The following MAP3K7 variants were observed in gnomAD, a reference collection of about 807,000 sequenced individuals.
The protein encoded by MAP3K7 is TGF-beta activated kinase 1.
A neutral mutation model predicts 84.8 loss-of-function variants in MAP3K7; 21 were observed. The ratio of observed to expected loss-of-function variants is 0.25; its 90% confidence interval spans 0.18 to 0.36. MAP3K7 has a LOEUF of 0.36. Among genes scored for constraint, MAP3K7 ranks in the 10% least tolerant of loss-of-function variants. The probability of loss-of-function intolerance (pLI) is 1.00; values close to 1 mark genes in which losing one functional copy is unlikely to be tolerated. For missense variants in MAP3K7, 503 were observed against 747.7 expected, an observed-to-expected ratio of 0.67 and a Z score of 3.82; for synonymous variants, 241 against 247.7, an observed-to-expected ratio of 0.97 and a Z score of 0.25.
At chr6:90,575,157 A>G (rs762826378) in intron 1 of MAP3K7, among the ~76,000 whole-genome samples, 1 of 152,252 alleles carries the variant, frequency 6.6e-6, no homozygotes, top group Non-Finnish European at 1.5e-5. Context: ...GCATAAAGGT[A>G]GATACACTGG....
Position 90,586,906 on chromosome 6 carries a change from G to T in MAP3K7, c.-23C>A, listed in dbSNP as rs373082698. On this transcript the variant is annotated 5_prime_UTR_variant, in exon 1 of 17. Coordinates refer to ENST00000369329, the MANE Select transcript of MAP3K7 (RefSeq NM_145331.3). Reference sequence around the variant, plus strand: ...CATGATCCCTCGCGGCGCCCGGTGGGGCCGGGAACGGTGCCACCCGGACAA... The same window carrying T: ...CATGATCCCTCGCGGCGCCCGGTGGTGCCGGGAACGGTGCCACCCGGACAA... 9.4e-6 allele frequency: 15 copies of T among 1,596,458 alleles called. No homozygotes were observed. In the African/African-American group the frequency reaches 1.6e-4, roughly 17 times the overall value.
At chr6:90,580,825 G>C (rs1232155070) in intron 1 of MAP3K7, among the ~76,000 whole-genome samples, 1 of 152,118 alleles carries the variant, frequency 6.6e-6, no homozygotes, top group Non-Finnish European at 1.5e-5. Context: ...TTAAAAGGGA[G>C]GTCAATTTGG....
Position 90,519,339 on chromosome 6 carries a change from TTTA to T in MAP3K7, c.1463-23_1463-21del. Reference sequence around the variant, plus strand: ...TGGTATCTGGAATTCAAGCATGTATTTTATTGATTTTCTGTCACAAATAATTAT... The same window carrying T: ...TGGTATCTGGAATTCAAGCATGTATTTTGATTTTCTGTCACAAATAATTAT... On this transcript the variant is annotated intron_variant, in intron 14 of 16. Transcript: ENST00000369329. The T allele has an allele frequency of 6.6e-7, 1 of 1,507,946 alleles. No individual in the cohort carries two copies. Among genetic ancestry groups the T allele is most frequent in the Non-Finnish European group, 9.0e-7 (1 of 1,109,918 alleles). The allele number at this position is 1,507,946 out of a possible 1,614,324, so 93.4% of individuals were successfully genotyped here.
At chr6:90,555,287 G>A (rs1747409887) in intron 6 of MAP3K7, among the ~76,000 whole-genome samples, 1 of 149,702 alleles carries the variant, frequency 6.7e-6, no homozygotes, top group South Asian at 2.1e-4. Context: ...ATGGAGTCTT[G>A]CTCTGTCACC....
At chr6:90,554,516 G>A (rs1256870999) in intron 6 of MAP3K7, among the ~76,000 whole-genome samples, 1 of 152,102 alleles carries the variant, frequency 6.6e-6, no homozygotes, top group Non-Finnish European at 1.5e-5. Context: ...AATTATTATA[G>A]CTATAGCTTT....
chr6:90,567,922 A>T (rs1582227791), intron 3 of MAP3K7, among the ~76,000 whole-genome samples: 1 of 152,342 alleles, frequency 6.6e-6, no homozygotes, highest in East Asian at 1.9e-4. Context: ...AGGGACATGG[A>T]TGAAGCTGGA....
intron 13 of MAP3K7, among the ~76,000 whole-genome samples, chr6:90,525,727 C>T (rs1383314443): frequency 1.3e-5 from 2 of 150,828 alleles, no homozygotes; most frequent in African/African-American, 2.4e-5. Flanking sequence ...ACAACTATGC[C>T]CAGTTAATTT....
intron 11 of MAP3K7, among the ~76,000 whole-genome samples, chr6:90,546,270 C>A (rs1253452846): frequency 2.0e-5 from 3 of 151,670 alleles, no homozygotes; most frequent in African/African-American, 4.9e-5. Flanking sequence ...GCTCCACACA[C>A]AATGAGAATA....
At chr6:90,543,511 C>T (rs1775915120) in intron 12 of MAP3K7, among the ~76,000 whole-genome samples, 1 of 151,930 alleles carries the variant, frequency 6.6e-6, no homozygotes, top group Non-Finnish European at 1.5e-5. Context: ...CTGATACAAT[C>T]AATAATAAGC....
chr6:90,550,523 T>C lies in MAP3K7; in HGVS notation c.894A>G (p.Leu298=), dbSNP rs1406697794. 6.2e-7 allele frequency: 1 copy of C among 1,611,008 alleles called. No homozygotes were observed. Among genetic ancestry groups the C allele is most frequent in the Admixed American group, 1.7e-5 (1 of 59,880 alleles). The change falls in exon 9 of 17, where the codon TTA becomes TTG. Residue 298 remains leucine (L), a synonymous_variant. Coordinates refer to ENST00000369329, the MANE Select transcript of MAP3K7 (RefSeq NM_145331.3). ...MRYFPGADEP[L]QYPCQYSDEG... ...CATCTGAATACTGACAAGGATACTG[T>C]AATGGCTCATCTGCTCCTGGAAAGT... is the stretch of plus-strand genomic sequence containing the variant.
At chr6:90,556,687 A>ATGTT in intron 5 of MAP3K7, 63 bp from the exon 6 acceptor site, 1 of 1,493,060 alleles carries the variant, frequency 6.7e-7, no homozygotes, top group Non-Finnish European at 9.0e-7. Context: ...CTACAATAAA[A>ATGTT]GAAGAGACAT....
At chr6:90,544,957 A>G (rs755187488) in intron 11 of MAP3K7, among the ~76,000 whole-genome samples, 1 of 152,054 alleles carries the variant, frequency 6.6e-6, no homozygotes, top group Non-Finnish European at 1.5e-5. Context: ...GAAATCACTG[A>G]TCTGTGATGG....
chr6:90,534,264 T>G (rs1775595583), intron 13 of MAP3K7, among the ~76,000 whole-genome samples: 1 of 152,202 alleles, frequency 6.6e-6, no homozygotes, highest in Non-Finnish European at 1.5e-5. Flanking sequence ...AATATCATCT[T>G]TGTGAGTAAT....
chr6:90,546,715 C>A (rs1295972204), intron 11 of MAP3K7, among the ~76,000 whole-genome samples: 2 of 151,992 alleles, frequency 1.3e-5, no homozygotes, highest in African/African-American at 4.8e-5. Context: ...TAAATGCTAG[C>A]TTTTTCAAGA....
intron 6 of MAP3K7, among the ~76,000 whole-genome samples, chr6:90,555,210 G>A: frequency 6.6e-6 from 1 of 152,006 alleles, no homozygotes; most frequent in East Asian, 1.9e-4. Flanking sequence ...ATATAAGCTT[G>A]ACATTTATTT....
intron 14 of MAP3K7, among the ~76,000 whole-genome samples, chr6:90,521,181 A>G (rs1472668806): frequency 6.6e-6 from 1 of 151,982 alleles, no homozygotes; most frequent in African/African-American, 2.4e-5. Context: ...CTTTACACTA[A>G]ATTGATATTG....
intron 12 of MAP3K7, chr6:90,542,418 G>C: frequency 3.1e-6 from 3 of 983,194 alleles, no homozygotes; most frequent in Non-Finnish European, 3.6e-6. Flanking sequence ...ATTTTCATAT[G>C]AATAGCACTG....
intron 1 of MAP3K7, among the ~76,000 whole-genome samples, chr6:90,573,264 G>A (rs1168501488): frequency 6.6e-6 from 1 of 152,182 alleles, no homozygotes; most frequent in East Asian, 1.9e-4. Flanking sequence ...GGAAGTAGAA[G>A]TTAGTATCTT....
In MAP3K7 at chr6:90,586,821, G is replaced by C. The variant is rs1484691875; in HGVS notation, c.63C>G (p.Ala21=). ...CTTCAAAGTTGAGGACCTGGGAAGGGGCTTCGATCATCTCACCGGCCGAAG... is the reference window on the plus strand; with the variant it reads ...CTTCAAAGTTGAGGACCTGGGAAGGCGCTTCGATCATCTCACCGGCCGAAG... ...SSSSAGEMIE[A]PSQVLNFEEI... The change falls in exon 1 of 17, where the codon GCC becomes GCG. Residue 21 remains alanine (A), a synonymous_variant. Transcript: ENST00000369329. 6.2e-7 allele frequency: 1 copy of C among 1,610,874 alleles called. No individual in the cohort carries two copies.
Sources: allele counts gnomAD v4.1 joint callset (sites outside exome capture counted in the v4.1 genomes callset), GRCh38; gene constraint gnomAD v4.1.1; transcripts MANE v1.5; gene names NCBI Gene and HGNC (gene_info 2026-07-23, HGNC 2026-07-21).